Variants in NEK11 observed in about 807,000 individuals in gnomAD.
NEK11 encodes serine/threonine-protein kinase Nek11.
NEK11 carries 72 observed loss-of-function variants against 80.7 expected under a neutral mutation model. The ratio of observed to expected loss-of-function variants is 0.89; its 90% CI spans 0.74 to 1.08. The LOEUF (loss-of-function observed/expected upper bound fraction) is 1.08, where lower values mean the gene tolerates loss of function less well. Among genes scored for constraint, NEK11 ranks in the 50% least tolerant of loss-of-function variants. The pLI is 0.00. For synonymous variants in NEK11, 251 were observed against 260.7 expected, an observed-to-expected ratio of 0.96 and a Z score of 0.36; for missense variants, 764 against 763.6, an observed-to-expected ratio of 1.00 and a Z score of -0.01.
At chr3:131,246,099 CA>C (rs1297918228) in intron 16 of NEK11, among the ~76,000 whole-genome samples, 1 of 151,910 alleles carries the variant, frequency 6.6e-6, no homozygotes, top group African/African-American at 2.4e-5. Context: ...TTTCTTTAAA[CA>C]AAAAAATTTT....
chr3:131,089,595 C>T (rs149882749), intron 4 of NEK11, among the ~76,000 whole-genome samples: 2,282 of 152,192 alleles, frequency 0.015, 49 homozygotes, highest in African/African-American at 0.05. Context: ...TGTGCCACCA[C>T]GCCTGGCTAA....
intron 5 of NEK11, among the ~76,000 whole-genome samples, chr3:131,117,690 C>T (rs2081522900): frequency 6.6e-6 from 1 of 152,116 alleles, no homozygotes. Flanking sequence ...AGGTCCTATA[C>T]ACATCCCTTG....
intron 3 of NEK11, among the ~76,000 whole-genome samples, chr3:131,059,616 T>A (rs1488204576): frequency 2.6e-5 from 4 of 152,210 alleles, no homozygotes; most frequent in Admixed American, 2.6e-4. Flanking sequence ...CTACATAGTG[T>A]GAAGTATATG....
chr3:131,267,857 T>C (rs1395223269), intron 16 of NEK11, among the ~76,000 whole-genome samples: 1 of 152,244 alleles, frequency 6.6e-6, no homozygotes, highest in Non-Finnish European at 1.5e-5. Context: ...GATAATATCC[T>C]GAAATGTGTT....
At chr3:131,132,649 A>G (rs2084708797) in intron 5 of NEK11, 96 bp from the exon 6 acceptor site, 1 of 643,984 alleles carries the variant, frequency 1.6e-6, no homozygotes, top group Non-Finnish European at 2.7e-6. Flanking sequence ...GTATATATTT[A>G]TGTGTAAATC....
chr3:131,146,116 G>A (rs1047090940), intron 7 of NEK11, among the ~76,000 whole-genome samples: 3 of 152,064 alleles, frequency 2.0e-5, no homozygotes, highest in African/African-American at 7.2e-5. Flanking sequence ...AGGAGAGGTT[G>A]TCTAGCTTGT....
intron 17 of NEK11, among the ~76,000 whole-genome samples, chr3:131,345,671 C>T (rs1467408458): frequency 6.6e-6 from 1 of 152,106 alleles, no homozygotes; most frequent in Non-Finnish European, 1.5e-5. Flanking sequence ...CCCAGCAATC[C>T]CTCTTCTGGG....
intron 15 of NEK11, among the ~76,000 whole-genome samples, chr3:131,230,137 G>A (rs749330177): frequency 1.0e-4 from 14 of 140,472 alleles, no homozygotes; most frequent in Admixed American, 4.5e-4. Flanking sequence ...AGCATCAAGC[G>A]GTAAAATTTT....
At chr3:131,178,670 A>G (rs926351505) in intron 14 of NEK11, among the ~76,000 whole-genome samples, 6 of 152,168 alleles carry the variant, frequency 3.9e-5, no homozygotes, top group Admixed American at 3.9e-4. Flanking sequence ...TTTTACAGTT[A>G]ACATTTTTTA....
In NEK11 at chr3:131,159,260, C is replaced by T. The variant is rs144398399; in HGVS notation, c.963-3148C>T. 2.9e-4 allele frequency among the ~76,000 whole-genome samples: 44 copies of T among 152,264 alleles called. No homozygotes were observed. The South Asian group carries it at 7.7e-3, about 27-fold the overall frequency. Reference sequence around the variant, plus strand: ...TTCCTCCAGGTGACCACAGTACCTCCGTAGCAAGGGTTCTGAGACAGACTG... The same window carrying T: ...TTCCTCCAGGTGACCACAGTACCTCTGTAGCAAGGGTTCTGAGACAGACTG... On this transcript the variant is annotated intron_variant, in intron 10 of 17. Coordinates refer to ENST00000383366, the MANE Select transcript of NEK11 (RefSeq NM_024800.5).
At chr3:131,091,980 G>C (rs142428664) in intron 4 of NEK11, among the ~76,000 whole-genome samples, 29 of 152,348 alleles carry the variant, frequency 1.9e-4, no homozygotes, top group African/African-American at 6.7e-4. Flanking sequence ...TTGGCTGCCT[G>C]TGATTGGCTG....
intron 17 of NEK11, among the ~76,000 whole-genome samples, chr3:131,281,797 T>C (rs1180766716): frequency 2.0e-5 from 3 of 152,234 alleles, no homozygotes; most frequent in Non-Finnish European, 4.4e-5. Flanking sequence ...CCTATCTATC[T>C]ATCCATCCAT....
At chr3:131,036,660 G>C (rs1370703749) in intron 3 of NEK11, among the ~76,000 whole-genome samples, 1 of 152,206 alleles carries the variant, frequency 6.6e-6, no homozygotes, top group Non-Finnish European at 1.5e-5. Flanking sequence ...GAAGTAGCCA[G>C]TGGTTTTCAC....
intron 17 of NEK11, among the ~76,000 whole-genome samples, chr3:131,284,541 A>C (rs2096446908): frequency 6.6e-6 from 1 of 152,178 alleles, no homozygotes; most frequent in African/African-American, 2.4e-5. Context: ...GGATTGAAGG[A>C]TGCAAATCCA....
At chr3:131,116,752 C>T (rs1205141010) in intron 5 of NEK11, among the ~76,000 whole-genome samples, 1 of 152,042 alleles carries the variant, frequency 6.6e-6, no homozygotes, top group Non-Finnish European at 1.5e-5. Context: ...TTTCATGTGT[C>T]TTTTGGCTGC....
At chr3:131,180,771 A>G (rs1463937540) in intron 14 of NEK11, among the ~76,000 whole-genome samples, 2 of 152,226 alleles carry the variant, frequency 1.3e-5, no homozygotes, top group Non-Finnish European at 2.9e-5. Context: ...TATGCCGTCT[A>G]TTTTAAGATG....
intron 4 of NEK11, among the ~76,000 whole-genome samples, chr3:131,104,390 G>A (rs932344192): frequency 6.6e-6 from 1 of 152,146 alleles, no homozygotes; most frequent in Non-Finnish European, 1.5e-5. Flanking sequence ...CAGTCTGGCT[G>A]CCTTACTGTA....
intron 14 of NEK11, among the ~76,000 whole-genome samples, chr3:131,222,986 A>G (rs753583056): frequency 6.6e-6 from 1 of 152,216 alleles, no homozygotes; most frequent in Non-Finnish European, 1.5e-5. Flanking sequence ...TCTGTGTCCA[A>G]ACTCGTGCAG....
At chr3:131,306,924 G>C (rs1220036085) in intron 17 of NEK11, among the ~76,000 whole-genome samples, 1 of 152,112 alleles carries the variant, frequency 6.6e-6, no homozygotes, top group East Asian at 1.9e-4. Flanking sequence ...TCCCCGCAAT[G>C]GTTTCTACTT....
Sources: gnomAD v4.1 joint callset for allele counts (sites outside exome capture counted in the v4.1 genomes callset) on GRCh38, gnomAD v4.1.1 for gene constraint, MANE v1.5 for transcripts, NCBI Gene and HGNC (gene_info 2026-07-23, HGNC 2026-07-21) for gene names.